WNK1: variants seen among roughly 807,000 people sequenced by gnomAD.
WNK1 encodes the protein WNK lysine deficient protein kinase 1.
Under a neutral mutation model 222.8 loss-of-function variants are expected in WNK1, and 38 were observed. That is an observed-to-expected ratio of 0.17 (90% CI 0.13 to 0.22). WNK1 has a LOEUF of 0.22. Ranked by LOEUF, WNK1 falls within the 10% of genes least tolerant of loss-of-function variation. The pLI, the probability that WNK1 is intolerant of heterozygous loss-of-function variation, is 1.00. For synonymous variants in WNK1, 1,090 were observed against 1,092.9 expected (o/e 1.00, Z 0.05); for missense variants, 2,348 against 2,918.4 (o/e 0.80, Z 4.50).
chr12:753,258 G>C lies in WNK1; in HGVS notation c.-308G>C. ...CGCCTCTGCTGCCACCGCCCGCCCGGCCGCCGCTCGCCGCAGGATGGATGC... is the reference window on the plus strand; with the variant it reads ...CGCCTCTGCTGCCACCGCCCGCCCGCCCGCCGCTCGCCGCAGGATGGATGC... On this transcript the variant is annotated 5_prime_UTR_variant, in exon 1 of 28. Transcript: ENST00000315939. This position sits in a 1 kb window ranked among gnomAD's most constrained non-coding sequence, Gnocchi z 5.2. The C allele has an allele frequency of 2.8e-6, 1 of 351,356 alleles. No homozygotes were observed. The highest frequency in any genetic ancestry group is 5.2e-6 in the Non-Finnish European group (1 of 192,990). 21.8% of individuals were successfully genotyped at this position (351,356 alleles called of 1,614,324 possible).
At chr12:833,915 G>A (rs1948994311) in intron 4 of WNK1, among the ~76,000 whole-genome samples, 1 of 152,078 alleles carries the variant, frequency 6.6e-6, no homozygotes, top group Non-Finnish European at 1.5e-5. Context: ...CCTGTCTTCA[G>A]AAAACTACCT....
Position 862,134 on chromosome 12 carries a change from G to T in WNK1, c.2003G>T (p.Arg668Leu). ...GQGSSVFTES[R>L]VSSQQTVSYG... ...GGATCCTCTGTCTTCACAGAATCTC[G>T]AGTGAGCAGCCAACAGACAGTTTCA... is the stretch of plus-strand genomic sequence containing the variant. The change falls in exon 8 of 28, where the codon CGA (arginine) becomes CTA (leucine). Residue 668 changes from arginine (R) to leucine (L), a missense_variant. Arg to Leu is a moderately radical substitution (Grantham distance 102, BLOSUM62 -2). Transcript: ENST00000315939. 1 of 1,613,974 alleles carries T rather than the reference G, an allele frequency of 6.2e-7. No homozygotes were observed. Among genetic ancestry groups the T allele is most frequent in the Non-Finnish European group, 8.5e-7 (1 of 1,179,974 alleles).
Position 753,359 on chromosome 12 carries a change from G to A in WNK1, c.-207G>A, listed in dbSNP as rs1591538886. The A allele has an allele frequency of 7.8e-6, 5 of 640,678 alleles. No homozygotes were observed. Among genetic ancestry groups the A allele is most frequent in the South Asian group, 2.0e-5 (1 of 50,476 alleles). 39.7% of individuals were successfully genotyped at this position (640,678 alleles called of 1,614,324 possible). On this transcript the variant is annotated 5_prime_UTR_variant, in exon 1 of 28. Transcript: ENST00000315939. This position sits in a 1 kb window ranked among gnomAD's most constrained non-coding sequence, Gnocchi z 5.2. ...CGAGCCCTCCTCGTGAGCCGCAGCAGCCTCGGTGCCAGCCCCCGCCGCAGC... is the reference window on the plus strand; with the variant it reads ...CGAGCCCTCCTCGTGAGCCGCAGCAACCTCGGTGCCAGCCCCCGCCGCAGC...
At chr12:857,313 T>C in intron 5 of WNK1, 64 bp downstream of exon 5, 1 of 1,327,668 alleles carries the variant, frequency 7.5e-7, no homozygotes, top group Non-Finnish European at 1.1e-6. Context: ...GTGCTTTGAG[T>C]ACAACACACA....
intron 9 of WNK1, among the ~76,000 whole-genome samples, chr12:874,708 C>G (rs1037176382): frequency 1.3e-5 from 2 of 152,056 alleles, no homozygotes; most frequent in Admixed American, 6.6e-5. Context: ...CTCATTTAAT[C>G]GTTTTAAGAA....
chr12:803,300 A>G lies in WNK1; in HGVS notation c.760-10342A>G, dbSNP rs556196826. Reference sequence around the variant, plus strand: ...ATAAACAAAATAGCAGAATTGAGCAATGTAAGTACAGAAATAACATTTATA... The same window carrying G: ...ATAAACAAAATAGCAGAATTGAGCAGTGTAAGTACAGAAATAACATTTATA... On this transcript the variant is annotated intron_variant, in intron 1 of 27. Coordinates refer to ENST00000315939, the MANE Select transcript of WNK1 (RefSeq NM_018979.4). Among the ~76,000 whole-genome samples, 26 of 152,370 alleles carry G rather than the reference A, an allele frequency of 1.7e-4. No individual in the cohort carries two copies. In the South Asian group the frequency reaches 5.0e-3, roughly 29 times the overall value.
chr12:820,958 G>A (rs926180175), intron 2 of WNK1, among the ~76,000 whole-genome samples: 1 of 151,104 alleles, frequency 6.6e-6, no homozygotes, highest in Non-Finnish European at 1.5e-5. Flanking sequence ...TTTCACCATT[G>A]AGTATATGTT....
In WNK1 at chr12:875,857, T is replaced by C. The variant is rs537377533; in HGVS notation, c.2224-2355T>C. On this transcript the variant is annotated intron_variant, in intron 9 of 27. Transcript: ENST00000315939. ...TTAATATATTTAATATGCAATCTTATTTACGTGTGTAAATTAATGAGTTAG... is the reference window on the plus strand; with the variant it reads ...TTAATATATTTAATATGCAATCTTACTTACGTGTGTAAATTAATGAGTTAG... Among the ~76,000 whole-genome samples the C allele has an allele frequency of 1.8e-4, 27 of 152,358 alleles. 1 individual carries two copies. Among genetic ancestry groups the C allele is most frequent in the African/African-American group, 5.8e-4 (24 of 41,598 alleles).
intron 1 of WNK1, among the ~76,000 whole-genome samples, chr12:799,117 C>T (rs765250): frequency 0.68 from 102,566 of 151,880 alleles, 34,945 homozygotes; most frequent in East Asian, 0.87. Context: ...CATTGAATTT[C>T]TGTTTTGGTG....
At chr12:907,454 C>A (rs1333707391) in intron 26 of WNK1, among the ~76,000 whole-genome samples, 1 of 152,176 alleles carries the variant, frequency 6.6e-6, no homozygotes, top group South Asian at 2.1e-4. Context: ...ACCTCTTTTT[C>A]CCTGCATTCT....
At chr12:763,701 TGA>T (rs2153931386) in intron 1 of WNK1, among the ~76,000 whole-genome samples, 1 of 147,606 alleles carries the variant, frequency 6.8e-6, no homozygotes, top group East Asian at 2.0e-4. Context: ...AGTTAGGATA[TGA>T]GTGTGAGATT....
rs748446924 is a variant in WNK1, at chr12:885,628, C to A, written c.4824C>A (p.Ala1608=). The A allele has an allele frequency of 6.2e-7, 1 of 1,614,138 alleles. No homozygotes were observed. Among genetic ancestry groups the A allele is most frequent in the Non-Finnish European group, 8.5e-7 (1 of 1,180,034 alleles). ...TCCCACCCTTGGTACAGCCTGTTGC[C>A]AATGTGCCTGCTGTACAGCAGACAC... The part of the protein sequence containing the change: ...PSIPPLVQPV[A]NVPAVQQTLI... The change falls in exon 19 of 28, where the codon GCC becomes GCA. Residue 1608 remains alanine, a synonymous_variant. Transcript: ENST00000315939.
chr12:814,635 T>C (rs1202129154), intron 2 of WNK1, among the ~76,000 whole-genome samples: 1 of 152,170 alleles, frequency 6.6e-6, no homozygotes, highest in Non-Finnish European at 1.5e-5. Flanking sequence ...TTTTGGTAAG[T>C]GTTGGAGTAT....
chr12:908,680 A>G lies in WNK1; in HGVS notation c.7037A>G (p.Gln2346Arg). The change falls in exon 28 of 28, where the codon CAG becomes CGG. Residue 2346 changes from glutamine to arginine, a missense_variant. By Grantham distance (43) the Gln-to-Arg change is conservative. Transcript: ENST00000315939. ...AGTGGGACGGGTGGCCCAGCACCACAGCCACTTGGCCAGTTCCAACCTGTG... is the reference window on the plus strand; with the variant it reads ...AGTGGGACGGGTGGCCCAGCACCACGGCCACTTGGCCAGTTCCAACCTGTG... Reference protein sequence around the residue: ...QWSGTGGPAPQPLGQFQPVGT... With the variant: ...QWSGTGGPAPRPLGQFQPVGT... 6.2e-7 allele frequency: 1 copy of G among 1,614,172 alleles called. No individual in the cohort carries two copies. The highest frequency in any genetic ancestry group is 8.5e-7 in the Non-Finnish European group (1 of 1,180,028).
In WNK1 at chr12:908,861, G is replaced by GGGGGGGGGGTGCC; in HGVS notation, c.*69_*70insGGGGGGGGGTGCC. On this transcript the variant is annotated 3_prime_UTR_variant, in exon 28 of 28. Transcript: ENST00000315939. ...ATGCTGAGGGGGTGGGTGGGGGTGG[G>GGGGGGGGGGTGCC]AAGTAGCCTATATACTAACTACTAG... The GGGGGGGGGGTGCC allele has an allele frequency of 4.1e-6, 2 of 491,846 alleles. No homozygotes were observed. The highest frequency in any genetic ancestry group is 8.3e-6 in the Non-Finnish European group (2 of 241,770). The allele number at this position is 491,846 out of a possible 1,614,324, so 30.5% of individuals were successfully genotyped here.
At chr12:841,824 A>G (rs568591053) in intron 4 of WNK1, among the ~76,000 whole-genome samples, 49 of 152,330 alleles carry the variant, frequency 3.2e-4, no homozygotes, top group African/African-American at 1.1e-3. Flanking sequence ...TCATATTATA[A>G]GGGCAGTAAT....
rs373794098 is a variant in WNK1 at position 827,006 on chromosome 12, A to T, written c.933-36A>T. Reference sequence around the variant, plus strand: ...TTCTTCAAAGCAACAAACTCCTATCATTGATAACTTGTTTGGTATACTTTG... The same window carrying T: ...TTCTTCAAAGCAACAAACTCCTATCTTTGATAACTTGTTTGGTATACTTTG... On this transcript the variant is annotated intron_variant, in intron 2 of 27. Transcript: ENST00000315939. This position sits in a 1 kb window ranked among gnomAD's most constrained non-coding sequence, Gnocchi z 4.6. The T allele has an allele frequency of 6.4e-7, 1 of 1,554,264 alleles. No individual in the cohort carries two copies. Among genetic ancestry groups the T allele is most frequent in the Non-Finnish European group, 8.9e-7 (1 of 1,127,902 alleles).
At chr12:881,605 G>C in intron 12 of WNK1, 87 bp from the exon 13 acceptor site, 1 of 1,079,960 alleles carries the variant, frequency 9.3e-7, no homozygotes, top group Non-Finnish European at 1.4e-6. Flanking sequence ...AGTGGGGAGG[G>C]ATAAGGAAAA....
At chr12:755,293 A>G (rs1939831570) in intron 1 of WNK1, among the ~76,000 whole-genome samples, 3 of 152,334 alleles carry the variant, frequency 2.0e-5, no homozygotes, top group Middle Eastern at 3.4e-3. Flanking sequence ...GCATGCATAA[A>G]AATTGCCATT....
Sources: allele counts gnomAD v4.1 joint callset (sites outside exome capture counted in the v4.1 genomes callset), GRCh38; gene constraint gnomAD v4.1.1; non-coding constraint Gnocchi (gnomAD v3.1); transcripts MANE v1.5; gene names NCBI Gene and HGNC (gene_info 2026-07-23, HGNC 2026-07-21).